MPP7: variants seen among roughly 807,000 people sequenced by gnomAD.
MPP7 encodes the protein MAGUK p55 subfamily member 7.
MPP7 carries 60 observed loss-of-function variants against 76.5 expected under a neutral mutation model. The ratio of observed to expected loss-of-function variants is 0.78; its 90% CI spans 0.64 to 0.97. The LOEUF is 0.97. Among genes scored for constraint, MPP7 ranks in the 50% least tolerant of loss-of-function variants. The pLI, the probability that MPP7 is intolerant of heterozygous loss-of-function variation, is 0.00. For synonymous variants in MPP7, 237 were observed against 244.5 expected, an observed-to-expected ratio of 0.97 and a Z score of 0.29; for missense variants, 641 against 694.0, an observed-to-expected ratio of 0.92 and a Z score of 0.86.
At chr10:28,262,190 T>TATATATATATATATAC (rs1564741033) in intron 1 of MPP7, among the ~76,000 whole-genome samples, 47 of 4,640 alleles carry the variant, frequency 0.01, no homozygotes, top group African/African-American at 0.027. Flanking sequence ...ATAAATTATA[T>TATATATATATATATAC]ATATATATAT....
At chr10:28,245,405 A>G (rs1839400724) in intron 1 of MPP7, among the ~76,000 whole-genome samples, 1 of 152,236 alleles carries the variant, frequency 6.6e-6, no homozygotes, top group South Asian at 2.1e-4. Context: ...TGTCCCTAAA[A>G]ACTGAATAAT....
At chr10:28,118,656 T>C in intron 11 of MPP7, 2 of 985,352 alleles carry the variant, frequency 2.0e-6, no homozygotes, top group Middle Eastern at 1.0e-3. Flanking sequence ...TGACAAGGGT[T>C]TTTTTCCTTG....
chr10:28,144,469 C>T (rs1435166292), intron 5 of MPP7, among the ~76,000 whole-genome samples: 4 of 152,134 alleles, frequency 2.6e-5, no homozygotes, highest in South Asian at 2.1e-4. Flanking sequence ...CTCAAAAGGT[C>T]GACTCCCCAG....
chr10:28,160,624 C>T (rs1836228274), intron 3 of MPP7, among the ~76,000 whole-genome samples: 1 of 152,190 alleles, frequency 6.6e-6, no homozygotes, highest in African/African-American at 2.4e-5. Context: ...CCACGACTAC[C>T]TACTATCTCT....
At chr10:28,058,627 A>T in intron 14 of MPP7, 24 bp from the exon 15 acceptor site, 1 of 1,278,436 alleles carries the variant, frequency 7.8e-7, no homozygotes, top group Non-Finnish European at 1.1e-6. Context: ...AATGCATTGG[A>T]ATCATTTGTG....
intron 12 of MPP7, among the ~76,000 whole-genome samples, chr10:28,084,201 A>T (rs538503686): frequency 6.6e-6 from 1 of 152,362 alleles, no homozygotes; most frequent in South Asian, 2.1e-4. Flanking sequence ...AGCCATCATT[A>T]TAAGGCATAC....
In MPP7 at chr10:28,202,189, A is replaced by G. The variant is rs1452232702; in HGVS notation, c.120T>C (p.Asp40=). Residue 40 remains aspartate, a synonymous_variant, in exon 3 of 17, where the codon GAT becomes GAC. Transcript: ENST00000683449. Reference sequence around the variant, plus strand: ...AATGCAGGCTTTTTTCACCAAACATATCCCAGAGGAAGGTCAGGTCTTCCT... The same window carrying G: ...AATGCAGGCTTTTTTCACCAAACATGTCCCAGAGGAAGGTCAGGTCTTCCT... ...DSQEDLTFLW[D]MFGEKSLHSL... The G allele has an allele frequency of 1.9e-6, 3 of 1,613,620 alleles. No individual in the cohort carries two copies. Among genetic ancestry groups the G allele is most frequent in the Non-Finnish European group, 2.5e-6 (3 of 1,179,720 alleles).
chr10:28,089,605 CT>C (rs1853188069), intron 12 of MPP7, 65 bp downstream of exon 12: 1 of 1,439,778 alleles, frequency 6.9e-7, no homozygotes, highest in African/African-American at 1.4e-5. Context: ...GTATGATTCA[CT>C]TTGAAGAGAA....
chr10:28,081,575 G>GA (rs1362747367), intron 12 of MPP7, among the ~76,000 whole-genome samples: 1 of 152,066 alleles, frequency 6.6e-6, no homozygotes, highest in Non-Finnish European at 1.5e-5. Context: ...CTCCATTATT[G>GA]TATTTTTGCC....
chr10:28,125,101 C>T lies in MPP7; in HGVS notation c.448-10G>A. 1 of 1,610,964 alleles carries T rather than the reference C, an allele frequency of 6.2e-7. No homozygotes were observed. ...TCTTAATGGTAGCTCCCTTTTAAGA[C>T]AAAAACAAAAAGCATTTGTGGGTAA... On this transcript the variant is annotated splice_polypyrimidine_tract_variant and intron_variant, in intron 6 of 16. Coordinates refer to ENST00000683449, the MANE Select transcript of MPP7 (RefSeq NM_001318170.2).
chr10:28,157,327 G>A (rs1358748891), intron 3 of MPP7, among the ~76,000 whole-genome samples: 1 of 152,176 alleles, frequency 6.6e-6, no homozygotes, highest in East Asian at 1.9e-4. Context: ...TATCATTTGG[G>A]AATCCAAAGA....
intron 1 of MPP7, among the ~76,000 whole-genome samples, chr10:28,296,647 A>C (rs1406810657): frequency 1.3e-5 from 2 of 152,248 alleles, no homozygotes; most frequent in African/African-American, 4.8e-5. Context: ...AGCCTGACAA[A>C]TAGCTCCTAA....
intron 1 of MPP7, among the ~76,000 whole-genome samples, chr10:28,239,735 G>C (rs1466076997): frequency 6.6e-6 from 1 of 152,132 alleles, no homozygotes; most frequent in Non-Finnish European, 1.5e-5. Context: ...AGGCAGTATA[G>C]CATAGTAGCT....
chr10:28,223,603 A>G (rs1838592674), intron 2 of MPP7, among the ~76,000 whole-genome samples: 1 of 152,154 alleles, frequency 6.6e-6, no homozygotes, highest in Non-Finnish European at 1.5e-5. Flanking sequence ...CTGTTTTACA[A>G]AATTACAATT....
chr10:28,267,969 G>A (rs774181203), intron 1 of MPP7, among the ~76,000 whole-genome samples: 4 of 152,114 alleles, frequency 2.6e-5, no homozygotes, highest in Non-Finnish European at 5.9e-5. Flanking sequence ...GTGGGAAGTC[G>A]AGGCTGCAGT....
intron 5 of MPP7, among the ~76,000 whole-genome samples, chr10:28,142,518 GC>G (rs1387544245): frequency 6.6e-6 from 1 of 152,086 alleles, no homozygotes; most frequent in Non-Finnish European, 1.5e-5. Context: ...ATCACTTGAG[GC>G]CAGGAGTTCA....
At chr10:28,276,612 A>G (rs1453394414) in intron 1 of MPP7, among the ~76,000 whole-genome samples, 1 of 152,106 alleles carries the variant, frequency 6.6e-6, no homozygotes, top group African/African-American at 2.4e-5. Flanking sequence ...GACACTACAG[A>G]TGAAAAACTA....
At chr10:28,069,270 C>T (rs1852113599) in intron 13 of MPP7, among the ~76,000 whole-genome samples, 1 of 152,172 alleles carries the variant, frequency 6.6e-6, no homozygotes, top group African/African-American at 2.4e-5. Context: ...ATGGATACCA[C>T]ATTCTCCATG....
chr10:28,313,788 T>C (rs1841303051), intron 2 of MPP7, among the ~76,000 whole-genome samples: 1 of 151,758 alleles, frequency 6.6e-6, no homozygotes, highest in African/African-American at 2.4e-5. Flanking sequence ...CTGGGTTCTG[T>C]TGATCTTCCC....
Sources: gnomAD v4.1 joint callset for allele counts (sites outside exome capture counted in the v4.1 genomes callset) on GRCh38, gnomAD v4.1.1 for gene constraint, MANE v1.5 for transcripts, NCBI Gene and HGNC (gene_info 2026-07-23, HGNC 2026-07-21) for gene names.